TRAPPC9: variants seen among roughly 807,000 people sequenced by gnomAD.
TRAPPC9 encodes the protein IKK2 binding protein.
TRAPPC9 carries 83 observed loss-of-function variants against 124.0 expected under a neutral mutation model. The observed-to-expected ratio is 0.67, with a 90% CI of 0.56 to 0.80. The LOEUF (loss-of-function observed/expected upper bound fraction) is 0.80. Ranked by LOEUF, TRAPPC9 falls within the 30% of genes least tolerant of loss-of-function variation. TRAPPC9 has a pLI of 0.00. For missense variants in TRAPPC9, 1,302 were observed against 1,508.3 expected (o/e 0.86, Z 2.27); for synonymous variants, 638 against 617.5 (o/e 1.03, Z -0.49).
chr8:140,283,498 C>T lies in TRAPPC9; in HGVS notation c.2114+391G>A, dbSNP rs539787040. On this transcript the variant is annotated intron_variant, in intron 14 of 22. Transcript: ENST00000438773. ...ATTTTTAGTAGAGACGGGGTTTCAC[C>T]GTGTTAGCCAGGATGGTCTCAATAT... Among the ~76,000 whole-genome samples the T allele has an allele frequency of 2.4e-4, 36 of 150,826 alleles. 1 individual carries two copies. In the South Asian group the frequency reaches 4.4e-3, roughly 18 times the overall value.
At chr8:140,186,650 TC>T (rs2062361273) in intron 17 of TRAPPC9, among the ~76,000 whole-genome samples, 1 of 152,220 alleles carries the variant, frequency 6.6e-6, no homozygotes, top group Non-Finnish European at 1.5e-5. Context: ...AGTATCCTTT[TC>T]TTCTTCACTG....
chr8:139,822,550 A>G (rs1586921400), intron 21 of TRAPPC9, among the ~76,000 whole-genome samples: 1 of 152,204 alleles, frequency 6.6e-6, no homozygotes, highest in East Asian at 1.9e-4. Context: ...CAGGGGCCAG[A>G]CCTCAAGCAG....
intron 9 of TRAPPC9, among the ~76,000 whole-genome samples, chr8:140,354,111 A>G (rs933205223): frequency 6.6e-6 from 1 of 152,232 alleles, no homozygotes; most frequent in Non-Finnish European, 1.5e-5. Context: ...CCAAATACAG[A>G]GTGAATGTGA....
intron 21 of TRAPPC9, among the ~76,000 whole-genome samples, chr8:139,824,063 C>T (rs1001446638): frequency 2.0e-5 from 3 of 152,186 alleles, no homozygotes; most frequent in Admixed American, 6.5e-5. Flanking sequence ...TCAGTTCACC[C>T]CATTTTCACT....
chr8:140,186,554 C>T (rs59939474), intron 17 of TRAPPC9, among the ~76,000 whole-genome samples: 1,821 of 151,546 alleles, frequency 0.012, 39 homozygotes, highest in African/African-American at 0.042. Flanking sequence ...GGCGACAGAG[C>T]GAGAGTCTGT....
At chr8:140,099,288 A>C (rs927279488) in intron 17 of TRAPPC9, 4 of 149,434 alleles carry the variant, frequency 2.7e-5, no homozygotes, top group African/African-American at 9.9e-5. Context: ...AGCGTTCTGC[A>C]AGGGAGACAC....
At chr8:139,996,967 G>A (rs1039415866) in intron 18 of TRAPPC9, among the ~76,000 whole-genome samples, 2 of 152,112 alleles carry the variant, frequency 1.3e-5, no homozygotes, top group Admixed American at 6.5e-5. Context: ...GGCTGGTCTC[G>A]AATGCCTGAC....
intron 20 of TRAPPC9, among the ~76,000 whole-genome samples, chr8:139,905,905 C>T (rs1255674133): frequency 6.6e-6 from 1 of 151,820 alleles, no homozygotes; most frequent in African/African-American, 2.4e-5. Context: ...CCATTATGGC[C>T]AACATGGTGA....
chr8:139,995,861 TAAAAAA>T (rs35970083), intron 18 of TRAPPC9, among the ~76,000 whole-genome samples: 2 of 96,886 alleles, frequency 2.1e-5, no homozygotes, highest in Non-Finnish European at 2.0e-5. Flanking sequence ...TACTCTGCAT[TAAAAAA>T]AAAAAAAAAA....
At chr8:140,061,776 C>A (rs1413446725) in intron 17 of TRAPPC9, among the ~76,000 whole-genome samples, 1 of 152,182 alleles carries the variant, frequency 6.6e-6, no homozygotes, top group African/African-American at 2.4e-5. Flanking sequence ...AGTCAGGGCC[C>A]ACGTTGGGAA....
At chr8:139,953,222 C>A (rs191825186) in intron 19 of TRAPPC9, among the ~76,000 whole-genome samples, 1 of 152,182 alleles carries the variant, frequency 6.6e-6, no homozygotes, top group Admixed American at 6.5e-5. Context: ...CCAGGAGTTG[C>A]GGCTCACGCC....
At chr8:139,835,326 A>T (rs1344680620) in intron 21 of TRAPPC9, among the ~76,000 whole-genome samples, 8 of 152,206 alleles carry the variant, frequency 5.3e-5, no homozygotes, top group Non-Finnish European at 1.5e-5. Context: ...TTGATTAATA[A>T]ATTTCTGAAG....
chr8:139,813,350 C>A (rs1232117540), intron 21 of TRAPPC9, among the ~76,000 whole-genome samples: 1 of 152,194 alleles, frequency 6.6e-6, no homozygotes, highest in Non-Finnish European at 1.5e-5. Context: ...GCTCAGACTC[C>A]TCCTGTCCCA....
At position 140,350,785 on chromosome 8, in the gene TRAPPC9, C is replaced by T. The variant is rs529207753; in HGVS notation, c.1495+9265G>A. On this transcript the variant is annotated intron_variant, in intron 9 of 22. Transcript: ENST00000438773. ...CAAAGGAACTGGAACCGGGAGCAGA[C>T]GAGAAAGTAAGGGACAAGGTGGGAG... 1.2e-4 allele frequency among the ~76,000 whole-genome samples: 18 copies of T among 152,036 alleles called. 2 individuals are homozygous for T. Among genetic ancestry groups the T allele is most frequent in the South Asian group, 8.4e-4 (4 of 4,790 alleles).
chr8:140,078,709 C>T (rs1267399412), intron 17 of TRAPPC9, among the ~76,000 whole-genome samples: 2 of 152,132 alleles, frequency 1.3e-5, no homozygotes, highest in Non-Finnish European at 2.9e-5. Flanking sequence ...CATGCAGGAA[C>T]TGAGAGGATG....
chr8:140,185,019 G>A (rs4236869), intron 17 of TRAPPC9, among the ~76,000 whole-genome samples: 78,338 of 152,088 alleles, frequency 0.52, 22,223 homozygotes, highest in East Asian at 0.99. Context: ...TTCTAGACAG[G>A]AGAGCACTCT....
intron 17 of TRAPPC9, among the ~76,000 whole-genome samples, chr8:140,126,515 G>A (rs117441176): frequency 0.01 from 1,531 of 152,272 alleles, 10 homozygotes; most frequent in Admixed American, 0.017. Context: ...ATTTGATAGC[G>A]ATAAAAGCTC....
Position 140,163,378 on chromosome 8 carries a change from T to G in TRAPPC9, c.2556+58081A>C, listed in dbSNP as rs552599394. 4.6e-5 allele frequency among the ~76,000 whole-genome samples: 7 copies of G among 152,232 alleles called. No homozygotes were observed. In the South Asian group the frequency reaches 1.4e-3, roughly 32 times the overall value. Reference sequence around the variant, plus strand: ...CCTGCAGTCCTGGGCCTAGTCAGCATTCAGCAGAAAACAACAGTAGCTGCC... The same window carrying G: ...CCTGCAGTCCTGGGCCTAGTCAGCAGTCAGCAGAAAACAACAGTAGCTGCC... On this transcript the variant is annotated intron_variant, in intron 17 of 22. Transcript: ENST00000438773.
At chr8:140,414,281 C>T (rs1472353217) in intron 5 of TRAPPC9, among the ~76,000 whole-genome samples, 1 of 152,092 alleles carries the variant, frequency 6.6e-6, no homozygotes, top group Admixed American at 6.6e-5. Flanking sequence ...CACCAAAAAT[C>T]CCAGCACTTT....
Sources: allele counts gnomAD v4.1 joint callset (sites outside exome capture counted in the v4.1 genomes callset), GRCh38; gene constraint gnomAD v4.1.1; transcripts MANE v1.5; gene names NCBI Gene and HGNC (gene_info 2026-07-23, HGNC 2026-07-21).